ZDHHC14: variants seen among roughly 807,000 people sequenced by gnomAD.
The protein encoded by ZDHHC14 is palmitoyltransferase ZDHHC14.
A neutral mutation model predicts 47.7 loss-of-function variants in ZDHHC14; 16 were observed. The ratio of observed to expected loss-of-function variants is 0.34; its 90% CI spans 0.23 to 0.51. The LOEUF is 0.51. Among genes scored for constraint, ZDHHC14 ranks in the 20% least tolerant of loss-of-function variants. The pLI is 0.97. For missense variants in ZDHHC14, 515 were observed against 662.5 expected, an observed-to-expected ratio of 0.78 and a Z score of 2.44; for synonymous variants, 293 against 278.9, an observed-to-expected ratio of 1.05 and a Z score of -0.50.
intron 3 of ZDHHC14, among the ~76,000 whole-genome samples, chr6:157,614,140 A>T (rs1380770159): frequency 6.6e-6 from 1 of 150,998 alleles, no homozygotes; most frequent in African/African-American, 2.4e-5. Context: ...GGTAGGGGGG[A>T]TGGGGGGGCG....
At chr6:157,453,366 A>G (rs1778845460) in intron 1 of ZDHHC14, among the ~76,000 whole-genome samples, 1 of 152,234 alleles carries the variant, frequency 6.6e-6, no homozygotes, top group South Asian at 2.1e-4. Flanking sequence ...ATACTGCACA[A>G]TAAGGCTTTA....
intron 1 of ZDHHC14, among the ~76,000 whole-genome samples, chr6:157,510,576 T>A (rs1780439523): frequency 6.6e-6 from 1 of 152,270 alleles, no homozygotes; most frequent in Non-Finnish European, 1.5e-5. Flanking sequence ...TCTTTGCTGC[T>A]GCTCTTCCAG....
intron 2 of ZDHHC14, among the ~76,000 whole-genome samples, chr6:157,563,672 A>G (rs1172744403): frequency 6.6e-6 from 1 of 152,216 alleles, no homozygotes; most frequent in Non-Finnish European, 1.5e-5. Flanking sequence ...TGCGGTGGGC[A>G]CTGAACAGGA....
chr6:157,466,547 TG>T (rs1242605509), intron 1 of ZDHHC14, among the ~76,000 whole-genome samples: 67 of 152,368 alleles, frequency 4.4e-4, no homozygotes, highest in Admixed American at 1.2e-3. Context: ...TAAATTCTTT[TG>T]TTTTTTTGGC....
chr6:157,484,500 A>G (rs1446437386), intron 1 of ZDHHC14, among the ~76,000 whole-genome samples: 1 of 148,968 alleles, frequency 6.7e-6, no homozygotes, highest in African/African-American at 2.5e-5. Flanking sequence ...AAATAGAGGT[A>G]TATAACAAAT....
Position 157,676,231 on chromosome 6 carries a change from G to T in ZDHHC14, c.*3109G>T, listed in dbSNP as rs1018078264. The T allele has an allele frequency of 6.6e-6, 1 of 152,170 alleles. No homozygotes were observed. The highest frequency in any genetic ancestry group is 2.4e-5 in the African/African-American group (1 of 41,352). 9.4% of individuals were successfully genotyped at this position (152,170 alleles called of 1,614,324 possible). A position where few individuals can be genotyped will look rare whatever the true frequency, so the allele number is the denominator to read the frequency against. ...GGAGGGCACAGTGACCTGTCACTCC[G>T]TTCTGCAGAAATTGGCCCAGCAGTT... On this transcript the variant is annotated 3_prime_UTR_variant, in exon 9 of 9. Coordinates refer to ENST00000359775, the MANE Select transcript of ZDHHC14 (RefSeq NM_024630.3).
In ZDHHC14 at chr6:157,381,955, G is replaced by C; in HGVS notation, c.-67G>C. 1.0e-6 allele frequency: 1 copy of C among 1,004,550 alleles called. No individual in the cohort carries two copies. Among genetic ancestry groups the C allele is most frequent in the Non-Finnish European group, 1.2e-6 (1 of 842,700 alleles). The allele number at this position is 1,004,550 out of a possible 1,614,324, so 62.2% of individuals were successfully genotyped here. A position where few individuals can be genotyped will look rare whatever the true frequency, so the allele number is the denominator to read the frequency against. On this transcript the variant is annotated 5_prime_UTR_variant, in exon 1 of 9. Coordinates refer to ENST00000359775, the MANE Select transcript of ZDHHC14 (RefSeq NM_024630.3). ...GGCCGGGCGGCCGGCGGCGGTCGTG[G>C]CTCGGCGGGGCCCGCGCGGCCGGGG... is the stretch of plus-strand genomic sequence containing the variant.
chr6:157,504,238 C>T (rs1386348517), intron 1 of ZDHHC14, among the ~76,000 whole-genome samples: 2 of 151,866 alleles, frequency 1.3e-5, no homozygotes, highest in East Asian at 3.9e-4. Context: ...GATGGAGTCT[C>T]GCTGTGCCGC....
intron 1 of ZDHHC14, among the ~76,000 whole-genome samples, chr6:157,468,440 G>C (rs1185816538): frequency 6.6e-6 from 1 of 152,180 alleles, no homozygotes; most frequent in Non-Finnish European, 1.5e-5. Context: ...CCCCTTAATT[G>C]CTGGGTCCTG....
rs138819495 is a variant in ZDHHC14 at position 157,622,720 on chromosome 6, G to A, written c.566-5629G>A. On this transcript the variant is annotated intron_variant, in intron 3 of 8. Transcript: ENST00000359775. Reference sequence around the variant, plus strand: ...TCCCAGCTCTCAGCCTTCTCAGAACGTATGCAGAAGTCCTGGAACCCTGTT... The same window carrying A: ...TCCCAGCTCTCAGCCTTCTCAGAACATATGCAGAAGTCCTGGAACCCTGTT... Among the ~76,000 whole-genome samples, 9 of 152,172 alleles carry A rather than the reference G, an allele frequency of 5.9e-5. No homozygotes were observed. In the East Asian group the frequency reaches 1.5e-3, roughly 26 times the overall value.
intron 1 of ZDHHC14, among the ~76,000 whole-genome samples, chr6:157,485,478 T>G (rs374000980): frequency 6.6e-6 from 1 of 152,192 alleles, no homozygotes; most frequent in African/African-American, 2.4e-5. Context: ...TTCTTTAGAT[T>G]TTTCCCATGT....
At chr6:157,645,332 T>C (rs186705606) in intron 5 of ZDHHC14, among the ~76,000 whole-genome samples, 2 of 152,236 alleles carry the variant, frequency 1.3e-5, no homozygotes, top group East Asian at 1.9e-4. Flanking sequence ...CGAGTCAATA[T>C]GTCGTCCTTT....
chr6:157,528,502 C>T (rs1027613072), intron 1 of ZDHHC14, among the ~76,000 whole-genome samples: 8 of 151,586 alleles, frequency 5.3e-5, no homozygotes, highest in South Asian at 2.1e-4. Flanking sequence ...GAGGCTGAGG[C>T]GGGCAGATCA....
chr6:157,629,696 G>A (rs369437830), intron 4 of ZDHHC14: 2 of 152,300 alleles, frequency 1.3e-5, no homozygotes, highest in East Asian at 3.9e-4. Flanking sequence ...TGTGTAATAT[G>A]TGCTTGAGAG....
chr6:157,635,640 C>T (rs574306699), intron 5 of ZDHHC14, among the ~76,000 whole-genome samples: 5 of 152,270 alleles, frequency 3.3e-5, no homozygotes, highest in Admixed American at 1.3e-4. Flanking sequence ...TCTTTGAGAG[C>T]ACACGTCTGC....
At chr6:157,618,299 G>A (rs1342608298) in intron 3 of ZDHHC14, among the ~76,000 whole-genome samples, 1 of 151,900 alleles carries the variant, frequency 6.6e-6, no homozygotes, top group African/African-American at 2.4e-5. Flanking sequence ...CGTTTTTGAG[G>A]CTATACAAAT....
At chr6:157,656,753 G>A (rs141266389) in intron 8 of ZDHHC14, among the ~76,000 whole-genome samples, 2,909 of 149,902 alleles carry the variant, frequency 0.019, 41 homozygotes, top group Non-Finnish European at 0.029. Context: ...TTGCCCTCCT[G>A]TTCTCTGCTG....
At chr6:157,607,353 C>A (rs1583011426) in intron 3 of ZDHHC14, among the ~76,000 whole-genome samples, 1 of 149,956 alleles carries the variant, frequency 6.7e-6, no homozygotes, top group East Asian at 2.0e-4. Context: ...TATACAAAAC[C>A]ATTTCTTTCA....
At chr6:157,482,420 A>AT (rs762678926) in intron 1 of ZDHHC14, among the ~76,000 whole-genome samples, 2,789 of 144,840 alleles carry the variant, frequency 0.019, 33 homozygotes, top group Non-Finnish European at 0.024. Flanking sequence ...TCCTTGGCTA[A>AT]TTTTTTTTTT....
Sources: allele counts gnomAD v4.1 joint callset (sites outside exome capture counted in the v4.1 genomes callset), GRCh38; gene constraint gnomAD v4.1.1; transcripts MANE v1.5; gene names NCBI Gene and HGNC (gene_info 2026-07-23, HGNC 2026-07-21).